CCDC60: variants seen among roughly 807,000 people sequenced by gnomAD.
CCDC60 encodes the protein coiled-coil domain containing 60.
In CCDC60, 54 loss-of-function variants were observed where a neutral mutation model predicts 63.5. That is an observed-to-expected ratio of 0.85 (90% confidence interval 0.68 to 1.07). The LOEUF is 1.07. Among genes scored for constraint, CCDC60 ranks in the 50% least tolerant of loss-of-function variants. The probability of loss-of-function intolerance (pLI) is 0.00; values close to 1 mark genes in which losing one functional copy is unlikely to be tolerated. For synonymous variants in CCDC60, 206 were observed against 238.8 expected (o/e 0.86, Z 1.27); for missense variants, 651 against 684.3 (o/e 0.95, Z 0.54).
chr12:119,376,703 T>G (rs1955954500), intron 1 of CCDC60, among the ~76,000 whole-genome samples: 1 of 152,140 alleles, frequency 6.6e-6, no homozygotes, highest in African/African-American at 2.4e-5. Context: ...GATGCTGGCT[T>G]CGTCTGGTTC....
chr12:119,366,472 C>A (rs535048347), intron 1 of CCDC60, among the ~76,000 whole-genome samples: 1 of 152,178 alleles, frequency 6.6e-6, no homozygotes, highest in African/African-American at 2.4e-5. Flanking sequence ...CCTGAATCCA[C>A]ACTTCTCCTG....
At chr12:119,503,733 G>A (rs1382523741) in intron 6 of CCDC60, among the ~76,000 whole-genome samples, 2 of 152,126 alleles carry the variant, frequency 1.3e-5, no homozygotes, top group Non-Finnish European at 2.9e-5. Flanking sequence ...TGCCCTACAA[G>A]GTAGCCATTC....
At chr12:119,357,729 C>G (rs539026073) in intron 1 of CCDC60, among the ~76,000 whole-genome samples, 7 of 152,222 alleles carry the variant, frequency 4.6e-5, no homozygotes, top group Non-Finnish European at 1.0e-4. Context: ...GCTGGGATTA[C>G]AGGGGTGAGC....
At chr12:119,509,513 G>C (rs1236184052) in intron 7 of CCDC60, among the ~76,000 whole-genome samples, 1 of 152,066 alleles carries the variant, frequency 6.6e-6, no homozygotes, top group African/African-American at 2.4e-5. Flanking sequence ...ACTGGAGCTT[G>C]GTCCCTTTAA....
At chr12:119,467,837 G>A (rs143672098) in intron 2 of CCDC60, among the ~76,000 whole-genome samples, 215 of 152,296 alleles carry the variant, frequency 1.4e-3, no homozygotes, top group African/African-American at 5.0e-3. Context: ...GGTTGCAAAC[G>A]CTAACGGTTT....
intron 10 of CCDC60, among the ~76,000 whole-genome samples, chr12:119,523,258 C>T (rs1320180082): frequency 1.3e-5 from 2 of 152,228 alleles, no homozygotes; most frequent in Admixed American, 1.3e-4. Flanking sequence ...CTTGCTTGTT[C>T]CTCAAAACCA....
chr12:119,421,721 A>C (rs1002527531), intron 1 of CCDC60, among the ~76,000 whole-genome samples: 2 of 152,116 alleles, frequency 1.3e-5, no homozygotes, highest in Non-Finnish European at 2.9e-5. Context: ...GAGACTGGGG[A>C]GTAAAGTTAC....
intron 3 of CCDC60, among the ~76,000 whole-genome samples, chr12:119,474,264 G>A (rs1248120043): frequency 2.0e-5 from 3 of 152,182 alleles, no homozygotes; most frequent in East Asian, 1.9e-4. Flanking sequence ...GTTGAGAGCC[G>A]TTAGGCTAAG....
At chr12:119,498,467 G>A (rs1212014147) in intron 5 of CCDC60, among the ~76,000 whole-genome samples, 5 of 152,052 alleles carry the variant, frequency 3.3e-5, no homozygotes, top group African/African-American at 1.2e-4. Flanking sequence ...AGAGCAGCTG[G>A]GATTACAGGT....
chr12:119,451,327 G>C (rs569914146), intron 2 of CCDC60, among the ~76,000 whole-genome samples: 1 of 152,306 alleles, frequency 6.6e-6, no homozygotes, highest in East Asian at 1.9e-4. Context: ...AGTTCCTTAA[G>C]AGGTGTGTAG....
intron 13 of CCDC60, among the ~76,000 whole-genome samples, chr12:119,534,817 C>T (rs904478282): frequency 2.0e-5 from 3 of 152,142 alleles, no homozygotes; most frequent in African/African-American, 7.2e-5. Flanking sequence ...ACTCGGTTTG[C>T]CAGTATTTTA....
Position 119,522,990 on chromosome 12 carries a change from G to A in CCDC60, c.1092G>A (p.Lys364=), listed in dbSNP as rs762490888. Residue 364 remains lysine, a synonymous_variant, in exon 10 of 14, where the codon AAG becomes AAA. Transcript: ENST00000327554. ...AAAGCCACATCCAACCAGTCCAGAAGAAGTCTAAAAAGTAAGCCAGGAGGG... is the reference window on the plus strand; with the variant it reads ...AAAGCCACATCCAACCAGTCCAGAAAAAGTCTAAAAAGTAAGCCAGGAGGG... The part of the protein sequence containing the change: ...SAESHIQPVQ[K]KSKNRTNCDI... The A allele has an allele frequency of 3.1e-6, 5 of 1,614,092 alleles. No individual in the cohort carries two copies. The highest frequency in any genetic ancestry group is 2.2e-5 in the South Asian group (2 of 91,082).
chr12:119,441,341 A>G lies in CCDC60; in HGVS notation c.170+12579A>G, dbSNP rs538208772. Among the ~76,000 whole-genome samples the G allele has an allele frequency of 1.6e-3, 251 of 152,354 alleles. 7 individuals carry two copies. The South Asian group carries it at 0.051, about 31-fold the overall frequency. The stretch of plus-strand genomic sequence containing the variant: ...GGCTTGCACGGTAAAGCACCAGTTC[A>G]CCACTTAGAGTGGACACTACACGCA... On this transcript the variant is annotated intron_variant, in intron 2 of 13. Coordinates refer to ENST00000327554, the MANE Select transcript of CCDC60 (RefSeq NM_178499.5).
chr12:119,479,412 A>G (rs1951250459), intron 4 of CCDC60: 3 of 543,490 alleles, frequency 5.5e-6, no homozygotes, highest in Non-Finnish European at 9.9e-6. Flanking sequence ...GCTGGGACTG[A>G]GTCATTTCAT....
In CCDC60 at chr12:119,461,957, C is replaced by T. The variant is rs376538075; in HGVS notation, c.171-10037C>T. ...GCACTTCCCAAGCTCGTTGAATGAA[C>T]ATCCTGCAGCCTGAAGTTCCCAGAA... is the stretch of plus-strand genomic sequence containing the variant. On this transcript the variant is annotated intron_variant, in intron 2 of 13. Coordinates refer to ENST00000327554, the MANE Select transcript of CCDC60 (RefSeq NM_178499.5). 5.9e-5 allele frequency among the ~76,000 whole-genome samples: 9 copies of T among 152,200 alleles called. No individual in the cohort carries two copies. In the East Asian group the frequency reaches 1.7e-3, roughly 29 times the overall value.
At chr12:119,465,012 G>A (rs948910536) in intron 2 of CCDC60, among the ~76,000 whole-genome samples, 8 of 152,288 alleles carry the variant, frequency 5.3e-5, no homozygotes, top group African/African-American at 1.9e-4. Context: ...AACCAATTAC[G>A]AATTAAATAA....
At chr12:119,411,964 C>G (rs1043393066) in intron 1 of CCDC60, among the ~76,000 whole-genome samples, 2 of 152,000 alleles carry the variant, frequency 1.3e-5, no homozygotes, top group Non-Finnish European at 2.9e-5. Flanking sequence ...CCACCAGATC[C>G]CTGAGGAAAG....
At chr12:119,465,214 G>A (rs1024028753) in intron 2 of CCDC60, among the ~76,000 whole-genome samples, 5 of 152,130 alleles carry the variant, frequency 3.3e-5, no homozygotes, top group Non-Finnish European at 5.9e-5. Context: ...TCAGGAGGCT[G>A]AGGCGGGAGA....
chr12:119,463,125 C>T (rs1269207386), intron 2 of CCDC60, among the ~76,000 whole-genome samples: 2 of 152,176 alleles, frequency 1.3e-5, no homozygotes, highest in African/African-American at 4.8e-5. Context: ...CGCCTAGCCT[C>T]AGTGCCTGTT....
Sources: allele counts gnomAD v4.1 joint callset (sites outside exome capture counted in the v4.1 genomes callset), GRCh38; gene constraint gnomAD v4.1.1; transcripts MANE v1.5; gene names NCBI Gene and HGNC (gene_info 2026-07-23, HGNC 2026-07-21).